EPB41: variants seen among roughly 807,000 people sequenced by gnomAD.
EPB41 encodes the protein erythrocyte membrane protein band 4.1, also known as protein 4.1.
Under a neutral mutation model 108.0 loss-of-function variants are expected in EPB41, and 65 were observed. That is an observed-to-expected ratio of 0.60 (90% CI 0.49 to 0.74). The LOEUF (loss-of-function observed/expected upper bound fraction) is 0.74, where lower values mean the gene tolerates loss of function less well. EPB41 is among the 30% of genes least tolerant of loss of function. The probability of loss-of-function intolerance (pLI) is 0.00; values close to 1 mark genes in which losing one functional copy is unlikely to be tolerated. For synonymous variants in EPB41, 336 were observed against 358.9 expected (o/e 0.94, Z 0.72); for missense variants, 875 against 1,037.0 (o/e 0.84, Z 2.15).
In EPB41 at chr1:29,018,130, C is replaced by G; in HGVS notation, c.906-94C>G. 1 of 1,092,834 alleles carries G rather than the reference C, an allele frequency of 9.2e-7. No homozygotes were observed. The highest frequency in any genetic ancestry group is 1.4e-6 in the Non-Finnish European group (1 of 729,024). The allele number at this position is 1,092,834 out of a possible 1,614,324, so 67.7% of individuals were successfully genotyped here. ...TCTTCTGTGTCCTTATTTTTTCTCT[C>G]TCTCCCTTTCTGTTTCTCCCCTTTT... On this transcript the variant is annotated intron_variant, in intron 6 of 20. Transcript: ENST00000343067. This position sits in a 1 kb window ranked among gnomAD's most constrained non-coding sequence, Gnocchi z 4.4.
At chr1:29,025,061 T>C (rs906800836) in intron 7 of EPB41, among the ~76,000 whole-genome samples, 11 of 152,114 alleles carry the variant, frequency 7.2e-5, no homozygotes, top group Non-Finnish European at 7.3e-5. Flanking sequence ...GAAGACAGCC[T>C]GCATAAATGG....
At chr1:28,993,884 G>A (rs975790788) in intron 3 of EPB41, among the ~76,000 whole-genome samples, 2 of 151,632 alleles carry the variant, frequency 1.3e-5, no homozygotes, top group Non-Finnish European at 2.9e-5. Flanking sequence ...CTTGAAGTCC[G>A]GGCCTCAAGT....
chr1:28,913,840 A>G (rs2092385442), upstream of EPB41, among the ~76,000 whole-genome samples: 1 of 152,216 alleles, frequency 6.6e-6, no homozygotes, highest in Admixed American at 6.5e-5. Flanking sequence ...AGCAATTGTC[A>G]GAGCAACCCT....
intron 16 of EPB41, chr1:29,070,883 G>T (rs568691887): frequency 9.5e-4 from 323 of 340,446 alleles, no homozygotes; most frequent in Non-Finnish European, 1.5e-3. Flanking sequence ...TGGCAGGTTG[G>T]TAATCTTCCC....
chr1:28,932,995 T>C (rs2093825477), intron 1 of EPB41, among the ~76,000 whole-genome samples: 1 of 152,208 alleles, frequency 6.6e-6, no homozygotes. Flanking sequence ...AATTTAAATG[T>C]TGAGAGCCCA....
intron 4 of EPB41, among the ~76,000 whole-genome samples, chr1:29,004,464 A>G (rs1413551332): frequency 6.6e-6 from 1 of 152,232 alleles, no homozygotes; most frequent in Admixed American, 6.5e-5. Context: ...AGTGACTATT[A>G]AATAAAGAGT....
At chr1:28,988,256 G>C (rs909651328) in intron 2 of EPB41, among the ~76,000 whole-genome samples, 1 of 152,160 alleles carries the variant, frequency 6.6e-6, no homozygotes, top group African/African-American at 2.4e-5. Flanking sequence ...ATGAGATTCC[G>C]TCTCAACAAC....
chr1:29,039,793 G>T (rs886876895), intron 11 of EPB41, among the ~76,000 whole-genome samples: 2 of 151,970 alleles, frequency 1.3e-5, no homozygotes, highest in Admixed American at 1.3e-4. Flanking sequence ...CAGCCTGGCT[G>T]ACAGAGTGGG....
rs571947732 is a variant in EPB41 at position 28,994,803 on chromosome 1, C to T, written c.681+1261C>T. Among the ~76,000 whole-genome samples the T allele has an allele frequency of 2.7e-5, 4 of 150,862 alleles. No individual in the cohort carries two copies. The South Asian group carries it at 8.4e-4, about 32-fold the overall frequency. Reference sequence around the variant, plus strand: ...CCTCCTGAGTAGCTGGGACTACAGGCACATACCATCACACCTGGCTAATTT... The same window carrying T: ...CCTCCTGAGTAGCTGGGACTACAGGTACATACCATCACACCTGGCTAATTT... On this transcript the variant is annotated intron_variant, in intron 3 of 20. Coordinates refer to ENST00000343067, the MANE Select transcript of EPB41 (RefSeq NM_001376013.1).
intron 16 of EPB41, among the ~76,000 whole-genome samples, chr1:29,093,068 C>T (rs995324794): frequency 1.2e-4 from 19 of 152,134 alleles, no homozygotes; most frequent in Admixed American, 9.2e-4. Context: ...GGTATATACC[C>T]GTAATAGGAT....
At chr1:28,940,978 G>A (rs2148769113) in intron 1 of EPB41, among the ~76,000 whole-genome samples, 1 of 152,186 alleles carries the variant, frequency 6.6e-6, no homozygotes, top group East Asian at 1.9e-4. Flanking sequence ...TATAGGGTAT[G>A]GAAAGCACAT....
chr1:28,919,533 G>A (rs188528643), intron 1 of EPB41, among the ~76,000 whole-genome samples: 30 of 151,736 alleles, frequency 2.0e-4, no homozygotes, highest in African/African-American at 7.0e-4. Context: ...GCATGATCTC[G>A]GCTCACTGCA....
chr1:29,017,368 A>G (rs1416095305), intron 6 of EPB41, among the ~76,000 whole-genome samples: 3 of 152,222 alleles, frequency 2.0e-5, no homozygotes, highest in African/African-American at 7.2e-5. Flanking sequence ...CCTGTTTGGT[A>G]AAACTGTCTG....
At chr1:28,970,072 A>T (rs1468609953) in intron 1 of EPB41, among the ~76,000 whole-genome samples, 1 of 152,232 alleles carries the variant, frequency 6.6e-6, no homozygotes, top group East Asian at 1.9e-4. Flanking sequence ...CAATAATTTT[A>T]TTGAATACTT....
chr1:28,888,829 G>T, intron 1 of EPB41, among the ~76,000 whole-genome samples: 1 of 151,692 alleles, frequency 6.6e-6, no homozygotes, highest in Non-Finnish European at 1.5e-5. Context: ...GGGATTCACC[G>T]TGTTAGCCAG....
chr1:29,104,014 A>G (rs1034198428), intron 17 of EPB41, among the ~76,000 whole-genome samples: 2 of 152,198 alleles, frequency 1.3e-5, no homozygotes, highest in African/African-American at 4.8e-5. Context: ...AGAGTGGGGA[A>G]GAGTGTTGAC....
chr1:28,926,441 C>T (rs1453212728), intron 1 of EPB41, among the ~76,000 whole-genome samples: 7 of 152,204 alleles, frequency 4.6e-5, no homozygotes, highest in African/African-American at 1.7e-4. Flanking sequence ...AGTTAAGTAA[C>T]TTGTCCAAAG....
rs138106671 is a variant in EPB41, at chr1:28,954,645, C to T, written c.-7-32786C>T. On this transcript the variant is annotated intron_variant, in intron 1 of 20. Coordinates refer to ENST00000343067, the MANE Select transcript of EPB41 (RefSeq NM_001376013.1). ...ACTAATACTTCTACTTTACACTTCA[C>T]AAGTCTCCCAATTTTAGGGTTTAAA... 7.2e-3 allele frequency among the ~76,000 whole-genome samples: 1,092 copies of T among 152,296 alleles called. 15 individuals are homozygous for T. Among genetic ancestry groups the T allele is most frequent in the African/African-American group, 0.023 (942 of 41,564 alleles).
chr1:29,112,842 G>T (rs1203167134), intron 19 of EPB41, among the ~76,000 whole-genome samples: 2 of 152,134 alleles, frequency 1.3e-5, no homozygotes, highest in Non-Finnish European at 2.9e-5. Context: ...TCAGTTAAAT[G>T]GAGCTATTGT....
Sources: allele counts gnomAD v4.1 joint callset (sites outside exome capture counted in the v4.1 genomes callset), GRCh38; gene constraint gnomAD v4.1.1; non-coding constraint Gnocchi (gnomAD v3.1); transcripts MANE v1.5; gene names NCBI Gene and HGNC (gene_info 2026-07-23, HGNC 2026-07-21).